Variants in FAM222B observed in about 807,000 individuals in gnomAD.
The protein encoded by FAM222B is family with sequence similarity 222 member B, also known as protein FAM222B.
FAM222B carries 12 observed loss-of-function variants against 38.0 expected under a neutral mutation model. The observed-to-expected ratio is 0.32, with a 90% confidence interval of 0.20 to 0.51. The LOEUF is 0.51. FAM222B is among the 20% of genes least tolerant of loss of function. The pLI is 0.97. For missense variants in FAM222B, 716 were observed against 754.2 expected (o/e 0.95, Z 0.59); for synonymous variants, 329 against 317.2 (o/e 1.04, Z -0.40).
intron 1 of FAM222B, among the ~76,000 whole-genome samples, chr17:28,794,122 A>C (rs117340351): frequency 0.018 from 2,761 of 152,282 alleles, 38 homozygotes; most frequent in Admixed American, 0.03. Flanking sequence ...AGAGTACACA[A>C]CAACAAAGGA....
At chr17:28,841,785 A>C (rs1228848982) in intron 1 of FAM222B, among the ~76,000 whole-genome samples, 2 of 152,200 alleles carry the variant, frequency 1.3e-5, no homozygotes, top group African/African-American at 4.8e-5. Context: ...TCGGGTGAGG[A>C]GCTGCAAACC....
intron 2 of FAM222B, chr17:28,762,134 T>G (rs1025005197): frequency 6.6e-6 from 1 of 152,154 alleles, no homozygotes; most frequent in Non-Finnish European, 1.5e-5. Context: ...CTGCCTCCAC[T>G]GATGCTGAAA....
At chr17:28,829,512 G>A (rs1038204808) in intron 1 of FAM222B, among the ~76,000 whole-genome samples, 2 of 152,104 alleles carry the variant, frequency 1.3e-5, no homozygotes, top group African/African-American at 4.8e-5. Context: ...TCACTGATCT[G>A]TTCCCCACTG....
chr17:28,834,679 AC>A (rs1776819337), intron 1 of FAM222B: 1 of 152,112 alleles, frequency 6.6e-6, no homozygotes, highest in African/African-American at 2.4e-5. Flanking sequence ...CACTTATTGT[AC>A]TGACTCAGAA....
chr17:28,796,359 A>G (rs181436898), intron 1 of FAM222B, among the ~76,000 whole-genome samples: 1 of 152,372 alleles, frequency 6.6e-6, no homozygotes, highest in Admixed American at 6.5e-5. Context: ...CCCCACTGCA[A>G]ATCACTCAGC....
chr17:28,854,268 G>A (rs1598072648), intron 1 of FAM222B, among the ~76,000 whole-genome samples: 1 of 152,310 alleles, frequency 6.6e-6, no homozygotes, highest in Admixed American at 6.5e-5. Flanking sequence ...TTGATTTAGA[G>A]GCTACAAAGG....
chr17:28,763,122 G>C (rs2035165265), intron 2 of FAM222B, among the ~76,000 whole-genome samples: 1 of 152,058 alleles, frequency 6.6e-6, no homozygotes, highest in Admixed American at 6.6e-5. Context: ...GACAATGTAG[G>C]GAATAGGAAA....
At chr17:28,829,469 G>A (rs911673183) in intron 1 of FAM222B, among the ~76,000 whole-genome samples, 4 of 152,236 alleles carry the variant, frequency 2.6e-5, no homozygotes, top group Admixed American at 1.3e-4. Context: ...ACTGCGCCCG[G>A]CCCACTGTCT....
chr17:28,758,214 A>C lies in FAM222B; in HGVS notation c.*56T>G. 2.1e-6 allele frequency: 3 copies of C among 1,395,502 alleles called. No individual in the cohort carries two copies. The highest frequency in any genetic ancestry group is 2.9e-6 in the Non-Finnish European group (3 of 1,023,570). The allele number at this position is 1,395,502 out of a possible 1,614,324, so 86.4% of individuals were successfully genotyped here. ...TTGAAACTATCCAGTTACTTAAAAGACTAAACCTAGGAGGGTGATGTATGA... is the reference window on the plus strand; with the variant it reads ...TTGAAACTATCCAGTTACTTAAAAGCCTAAACCTAGGAGGGTGATGTATGA... On this transcript the variant is annotated 3_prime_UTR_variant, in exon 3 of 3. Transcript: ENST00000581407.
chr17:28,849,836 C>T (rs1346758635), intron 1 of FAM222B, among the ~76,000 whole-genome samples: 1 of 152,066 alleles, frequency 6.6e-6, no homozygotes, highest in Non-Finnish European at 1.5e-5. Flanking sequence ...AATCCCAGCA[C>T]TTTGGGAGGC....
intron 1 of FAM222B, among the ~76,000 whole-genome samples, chr17:28,786,968 G>A (rs547399559): frequency 2.2e-5 from 3 of 134,760 alleles, no homozygotes; most frequent in South Asian, 2.3e-4. Context: ...GCAGTGGCGC[G>A]ATCTCGAGTG....
At position 28,761,041 on chromosome 17, in the gene FAM222B, AAT is replaced by A. The variant is rs531426669; in HGVS notation, c.83-1167_83-1166del. 2.6e-3 allele frequency among the ~76,000 whole-genome samples: 397 copies of A among 152,328 alleles called. 1 individual carries two copies. The highest frequency in any genetic ancestry group is 4.7e-3 in the Non-Finnish European group (323 of 68,036). ...AGTCCTTTCAGTCCTGAGAGCCAAA[AAT>A]AGTCTGTATTTGGTCCATGTCAGCT... On this transcript the variant is annotated intron_variant, in intron 2 of 2. Coordinates refer to ENST00000581407, the MANE Select transcript of FAM222B (RefSeq NM_001077498.3).
At chr17:28,812,151 T>G (rs1159789147) in intron 1 of FAM222B, 4 of 152,246 alleles carry the variant, frequency 2.6e-5, no homozygotes, top group Admixed American at 6.5e-5. Context: ...ATTTCCCCTT[T>G]TCTTACAAGG....
intron 1 of FAM222B, among the ~76,000 whole-genome samples, chr17:28,811,179 G>A (rs560578889): frequency 1.0e-3 from 154 of 152,268 alleles, no homozygotes; most frequent in African/African-American, 3.6e-3. Flanking sequence ...GGTGGCTCAC[G>A]CCTGTAATCC....
upstream of FAM222B, among the ~76,000 whole-genome samples, chr17:28,847,026 C>T (rs970973245): frequency 1.3e-5 from 2 of 151,708 alleles, no homozygotes; most frequent in Non-Finnish European, 2.9e-5. Flanking sequence ...GAGTTCGAGA[C>T]CAGCCTGACC....
upstream of FAM222B, among the ~76,000 whole-genome samples, chr17:28,843,677 A>G (rs1261401460): frequency 1.3e-5 from 2 of 151,842 alleles, no homozygotes; most frequent in Non-Finnish European, 2.9e-5. Flanking sequence ...CGAACTCCTG[A>G]CCTCAGATGA....
At chr17:28,812,703 C>G (rs1024521033) in intron 1 of FAM222B, among the ~76,000 whole-genome samples, 4 of 152,018 alleles carry the variant, frequency 2.6e-5, no homozygotes, top group African/African-American at 9.7e-5. Flanking sequence ...GCCAAGCATC[C>G]CGTAGCTGGG....
Position 28,766,611 on chromosome 17 carries a change from C to G in FAM222B, c.57G>C (p.Thr19=). The part of the protein sequence containing the change: ...GDLSFQLLSH[T]QMNTGLQKWD... ...ATTTCTGAAGTCCAGTGTTCATCTG[C>G]GTGTGAGAAAGAAGCTGAAAGGACA... Residue 19 remains threonine (T), a synonymous_variant, in exon 2 of 3, where the codon ACG becomes ACC. Transcript: ENST00000581407. 1 of 1,604,776 alleles carries G rather than the reference C, an allele frequency of 6.2e-7. No individual in the cohort carries two copies. Among genetic ancestry groups the G allele is most frequent in the Non-Finnish European group, 8.5e-7 (1 of 1,175,558 alleles).
chr17:28,821,496 C>T (rs2038216464), intron 1 of FAM222B, among the ~76,000 whole-genome samples: 1 of 152,188 alleles, frequency 6.6e-6, no homozygotes, highest in South Asian at 2.1e-4. Flanking sequence ...CTGTTATCCT[C>T]ATTTGACAGC....
Sources: gnomAD v4.1 joint callset for allele counts (sites outside exome capture counted in the v4.1 genomes callset) on GRCh38, gnomAD v4.1.1 for gene constraint, MANE v1.5 for transcripts, NCBI Gene and HGNC (gene_info 2026-07-23, HGNC 2026-07-21) for gene names.